PDZRN4: variants seen among roughly 807,000 people sequenced by gnomAD.
PDZRN4 encodes PDZ domain containing ring finger 4, also known as PDZ domain-containing RING finger protein 4.
A neutral mutation model predicts 99.0 loss-of-function variants in PDZRN4; 70 were observed. That is an observed-to-expected ratio of 0.71 (90% CI 0.58 to 0.86). The LOEUF is 0.86. Among genes scored for constraint, PDZRN4 ranks in the 40% least tolerant of loss-of-function variants. The pLI, the probability that PDZRN4 is intolerant of heterozygous loss-of-function variation, is 0.00. For synonymous variants in PDZRN4, 551 were observed against 501.6 expected (o/e 1.10, Z -1.32); for missense variants, 1,474 against 1,331.2 (o/e 1.11, Z -1.67).
intron 3 of PDZRN4, among the ~76,000 whole-genome samples, chr12:41,213,962 A>G (rs192205659): frequency 1.3e-5 from 2 of 152,122 alleles, no homozygotes; most frequent in Non-Finnish European, 2.9e-5. Flanking sequence ...TCAAGATTAA[A>G]TGAGTTAATA....
chr12:41,554,536 G>T (rs948266088), intron 6 of PDZRN4, among the ~76,000 whole-genome samples: 5 of 151,834 alleles, frequency 3.3e-5, no homozygotes, highest in African/African-American at 1.2e-4. Flanking sequence ...GGATAGGATG[G>T]ATCAACCTTA....
chr12:41,539,969 A>G (rs1307797457), intron 5 of PDZRN4, among the ~76,000 whole-genome samples: 2 of 152,224 alleles, frequency 1.3e-5, no homozygotes, highest in Non-Finnish European at 2.9e-5. Context: ...TACAGTAAAG[A>G]TGTAATGCAT....
chr12:41,447,770 G>A (rs1379775), intron 3 of PDZRN4, among the ~76,000 whole-genome samples: 54,914 of 151,744 alleles, frequency 0.36, 10,606 homozygotes, highest in African/African-American at 0.51. Flanking sequence ...TCTGCCTAAT[G>A]TTAGAGTACA....
intron 3 of PDZRN4, among the ~76,000 whole-genome samples, chr12:41,327,215 C>T (rs1305591806): frequency 6.6e-6 from 1 of 152,142 alleles, no homozygotes; most frequent in African/African-American, 2.4e-5. Flanking sequence ...TTCTCTCTCC[C>T]CCAGTAGCCC....
At chr12:41,208,895 C>A (rs1303120321) in intron 3 of PDZRN4, among the ~76,000 whole-genome samples, 2 of 151,412 alleles carry the variant, frequency 1.3e-5, no homozygotes, top group Non-Finnish European at 2.9e-5. Flanking sequence ...AAAGATTTTC[C>A]AGAAGTTTTA....
intron 3 of PDZRN4, among the ~76,000 whole-genome samples, chr12:41,241,342 G>A (rs988967483): frequency 2.0e-5 from 3 of 151,314 alleles, no homozygotes; most frequent in African/African-American, 4.9e-5. Flanking sequence ...GTGTTTGGTT[G>A]TTAATTTTGT....
intron 3 of PDZRN4, among the ~76,000 whole-genome samples, chr12:41,316,535 C>G (rs974531959): frequency 6.0e-5 from 9 of 150,336 alleles, no homozygotes; most frequent in African/African-American, 2.2e-4. Flanking sequence ...GAATTTCCTA[C>G]AAGTATAGAC....
chr12:41,572,590 A>G lies in PDZRN4; in HGVS notation c.1811A>G (p.Glu604Gly). ...TLGSVELQYN[E>G]SLVSGEYIDS... Reference sequence around the variant, plus strand: ...GGAAGTGTTGAACTTCAGTACAATGAGAGCCTCGTATCTGGTGAATACATT... The same window carrying G: ...GGAAGTGTTGAACTTCAGTACAATGGGAGCCTCGTATCTGGTGAATACATT... Residue 604 changes from glutamate (E) to glycine (G), a missense_variant, in exon 10 of 10, where the codon GAG (glutamate) becomes GGG (glycine). Coordinates refer to ENST00000402685, the MANE Select transcript of PDZRN4 (RefSeq NM_001164595.2). 1.2e-6 allele frequency: 2 copies of G among 1,614,146 alleles called. No homozygotes were observed. Among genetic ancestry groups the G allele is most frequent in the Non-Finnish European group, 1.7e-6 (2 of 1,179,980 alleles).
At chr12:41,481,682 A>T (rs1227340406) in intron 3 of PDZRN4, among the ~76,000 whole-genome samples, 1 of 152,102 alleles carries the variant, frequency 6.6e-6, no homozygotes, top group African/African-American at 2.4e-5. Context: ...TAATCTTGAG[A>T]GTTTTTTCAG....
chr12:41,236,476 CT>C (rs1817350350), intron 3 of PDZRN4, among the ~76,000 whole-genome samples: 1 of 151,938 alleles, frequency 6.6e-6, no homozygotes, highest in Non-Finnish European at 1.5e-5. Context: ...ATGTTGGTGC[CT>C]GTTTTAGGAT....
At chr12:41,471,775 C>A (rs182073557) in intron 3 of PDZRN4, among the ~76,000 whole-genome samples, 1 of 151,182 alleles carries the variant, frequency 6.6e-6, no homozygotes, top group Admixed American at 6.6e-5. Flanking sequence ...GAAAAATATG[C>A]TGAGAATAAT....
At chr12:41,540,303 G>T (rs1938825611) in intron 5 of PDZRN4, among the ~76,000 whole-genome samples, 1 of 152,106 alleles carries the variant, frequency 6.6e-6, no homozygotes, top group Middle Eastern at 3.2e-3. Context: ...CTGACCATCA[G>T]AACCTAGAAG....
chr12:41,417,284 C>T (rs1038168710), intron 3 of PDZRN4, among the ~76,000 whole-genome samples: 2 of 152,162 alleles, frequency 1.3e-5, no homozygotes, highest in Admixed American at 1.3e-4. Context: ...TATTAAATTG[C>T]CAGATGTTTT....
chr12:41,519,916 G>A (rs2120711122), intron 5 of PDZRN4, among the ~76,000 whole-genome samples: 1 of 152,198 alleles, frequency 6.6e-6, no homozygotes. Context: ...CATAGCACAT[G>A]AGGCACTTCC....
intron 3 of PDZRN4, among the ~76,000 whole-genome samples, chr12:41,419,726 G>T (rs1454587170): frequency 6.6e-6 from 1 of 152,086 alleles, no homozygotes; most frequent in East Asian, 1.9e-4. Flanking sequence ...ATGGCTCTCG[G>T]TTAATGACTG....
intron 3 of PDZRN4, among the ~76,000 whole-genome samples, chr12:41,331,402 G>A (rs2120994586): frequency 6.6e-6 from 1 of 152,118 alleles, no homozygotes; most frequent in East Asian, 1.9e-4. Flanking sequence ...AATGTTAGTG[G>A]ATATGAAGGG....
chr12:41,542,100 G>A (rs967086521), intron 5 of PDZRN4, among the ~76,000 whole-genome samples: 4 of 152,210 alleles, frequency 2.6e-5, no homozygotes, highest in Admixed American at 6.5e-5. Flanking sequence ...GGGTCACCCC[G>A]TCCTTATGGA....
At chr12:41,197,931 T>TTTTTTTG (rs1950788048) in intron 3 of PDZRN4, among the ~76,000 whole-genome samples, 1 of 140,590 alleles carries the variant, frequency 7.1e-6, no homozygotes, top group Non-Finnish European at 1.5e-5. Flanking sequence ...TTTTTTTTTT[T>TTTTTTTG]GGAGACAGGA....
intron 3 of PDZRN4, among the ~76,000 whole-genome samples, chr12:41,338,630 A>C (rs1395712933): frequency 6.6e-6 from 1 of 152,004 alleles, no homozygotes; most frequent in Non-Finnish European, 1.5e-5. Flanking sequence ...CATGATAACT[A>C]ACATCACAGA....
Sources: gnomAD v4.1 joint callset for allele counts (sites outside exome capture counted in the v4.1 genomes callset) on GRCh38, gnomAD v4.1.1 for gene constraint, MANE v1.5 for transcripts, NCBI Gene and HGNC (gene_info 2026-07-23, HGNC 2026-07-21) for gene names.